The following YWHAZ variants were observed in gnomAD, a reference collection of about 807,000 sequenced individuals.
YWHAZ encodes the protein 14-3-3 protein zeta/delta.
For missense variants in YWHAZ, 79 were observed against 284.8 expected (o/e 0.28, Z 5.20); for synonymous variants, 87 against 103.6 (o/e 0.84, Z 0.97).
Position 100,917,743 on chromosome 8 carries a change from A to G in YWHAZ, c.*2950T>C, listed in dbSNP as rs908935726. On this transcript the variant is annotated 3_prime_UTR_variant, in exon 6 of 6. Coordinates refer to ENST00000395958, the MANE Select transcript of YWHAZ (RefSeq NM_145690.3). The stretch of plus-strand genomic sequence containing the variant: ...AAAAACAAACGAACAAAAAAATTCC[A>G]GTACTTTACACACAAAAAGTCATTG... 1 of 152,152 alleles carries G rather than the reference A, an allele frequency of 6.6e-6. No individual in the cohort carries two copies. The highest frequency in any genetic ancestry group is 6.5e-5 in the Admixed American group (1 of 15,272). The allele number at this position is 152,152 out of a possible 1,614,324, so 9.4% of individuals were successfully genotyped here. A position where few individuals can be genotyped will look rare whatever the true frequency, so the allele number is the denominator to read the frequency against.
At position 100,948,114 on chromosome 8, in the gene YWHAZ, T is replaced by G; in HGVS notation, c.294+482A>C. 6.5e-7 allele frequency: 1 copy of G among 1,535,094 alleles called. No individual in the cohort carries two copies. Among genetic ancestry groups the G allele is most frequent in the Non-Finnish European group, 8.7e-7 (1 of 1,146,750 alleles). On this transcript the variant is annotated intron_variant, in intron 2 of 5. Transcript: ENST00000395958. The surrounding 1 kb of genome is among the most constrained non-coding windows in gnomAD (Gnocchi z 4.2). ...AATGCAGGAAGAGGTTTCATAGTTG[T>G]GACGCCAGAGTTTTCTGCATGGTTG... is the stretch of plus-strand genomic sequence containing the variant.
rs544713098 is a variant in YWHAZ, at chr8:100,925,011, T to C, written c.323A>G (p.Asn108Ser). 4.3e-5 allele frequency: 69 copies of C among 1,613,870 alleles called. No homozygotes were observed. Among genetic ancestry groups the C allele is most frequent in the Admixed American group, 1.2e-4 (7 of 59,958 alleles). ...GACTTTGCTCTCTGCTTGTGAAGCA[T>C]TGGGGATCAAGAACTTTTCCAAAAG... is the stretch of plus-strand genomic sequence containing the variant. ...LSLLEKFLIPNASQAESKVFY... is the reference protein window; with the variant it reads ...LSLLEKFLIPSASQAESKVFY... Residue 108 changes from asparagine to serine, a missense_variant, in exon 3 of 6, where the codon AAT becomes AGT. By Grantham distance (46) the Asn-to-Ser change is conservative. Coordinates refer to ENST00000395958, the MANE Select transcript of YWHAZ (RefSeq NM_145690.3).
intron 5 of YWHAZ, 102 bp downstream of exon 5, chr8:100,923,853 A>G: frequency 1.1e-6 from 1 of 897,380 alleles, no homozygotes; most frequent in South Asian, 2.1e-5. Flanking sequence ...ATGTGTTGAG[A>G]AAAAATTTTA....
intron 1 of YWHAZ, 138 bp downstream of exon 1, chr8:100,951,767 AGAGGAGCCGCCGCCCGTGTCCGCT>A (rs1179864899): frequency 7.1e-6 from 7 of 984,994 alleles, no homozygotes; most frequent in Non-Finnish European, 7.2e-6. Context: ...GCCCAGCGGA[AGAGGAGCCGCCGCCCGTGTCCGCT>A]GAGGAGACTC....
intron 2 of YWHAZ, among the ~76,000 whole-genome samples, chr8:100,926,678 G>T (rs1013342572): frequency 6.6e-6 from 1 of 152,176 alleles, no homozygotes; most frequent in Non-Finnish European, 1.5e-5. Context: ...TTTTGGTTAG[G>T]ATAGCAACCT....
intron 1 of YWHAZ, among the ~76,000 whole-genome samples, chr8:100,950,138 A>T (rs776805669): frequency 3.3e-5 from 5 of 152,242 alleles, no homozygotes; most frequent in Non-Finnish European, 7.3e-5. Flanking sequence ...GATGCAAGGT[A>T]CTGGCTCAAT....
At chr8:100,947,150 A>T (rs1462012793) in intron 2 of YWHAZ, among the ~76,000 whole-genome samples, 1 of 150,492 alleles carries the variant, frequency 6.6e-6, no homozygotes, top group Non-Finnish European at 1.5e-5. Context: ...GCTATTCGGG[A>T]GGCTGAGGCA....
At chr8:100,928,403 G>A (rs1249175680) in intron 2 of YWHAZ, among the ~76,000 whole-genome samples, 1 of 151,816 alleles carries the variant, frequency 6.6e-6, no homozygotes. Context: ...AATTTAAAGG[G>A]GCTAACACTG....
chr8:100,928,774 T>C (rs539613069), intron 2 of YWHAZ, among the ~76,000 whole-genome samples: 2 of 150,072 alleles, frequency 1.3e-5, no homozygotes, highest in South Asian at 2.1e-4. Flanking sequence ...TCAGCCTCAA[T>C]GGGGTGATAT....
At chr8:100,940,693 G>A (rs1809776078) in intron 2 of YWHAZ, among the ~76,000 whole-genome samples, 1 of 152,230 alleles carries the variant, frequency 6.6e-6, no homozygotes, top group South Asian at 2.1e-4. Context: ...CACCACCACA[G>A]GGGTGTGTTA....
At chr8:100,950,473 C>T (rs1810634659) in intron 1 of YWHAZ, 2 of 985,402 alleles carry the variant, frequency 2.0e-6, no homozygotes, top group South Asian at 4.7e-5. Flanking sequence ...GCAAATTCTC[C>T]GGTCCGCGTA....
At chr8:100,920,783 G>C in intron 5 of YWHAZ, 31 bp from the exon 6 acceptor site, 1 of 431,870 alleles carries the variant, frequency 2.3e-6, no homozygotes, top group Non-Finnish European at 4.1e-6. Flanking sequence ...TTTTCAGCAA[G>C]TTTCAGTGGG....
rs764643200 is a variant in YWHAZ at position 100,920,764 on chromosome 8, A to G, written c.679-12T>C. ...TCCGATGTCCACAACTGGTAAAAGAAGGAAAGATTTTTCAGCAAGTTTCAG... is the reference window on the plus strand; with the variant it reads ...TCCGATGTCCACAACTGGTAAAAGAGGGAAAGATTTTTCAGCAAGTTTCAG... On this transcript the variant is annotated splice_polypyrimidine_tract_variant and intron_variant, in intron 5 of 5. Transcript: ENST00000395958. The G allele has an allele frequency of 5.9e-6, 6 of 1,011,194 alleles. No individual in the cohort carries two copies. In the South Asian group the frequency reaches 7.5e-5, roughly 13 times the overall value. The allele number at this position is 1,011,194 out of a possible 1,614,324, so 62.6% of individuals were successfully genotyped here.
At chr8:100,941,810 CAAA>C (rs58294305) in intron 2 of YWHAZ, among the ~76,000 whole-genome samples, 21 of 113,626 alleles carry the variant, frequency 1.8e-4, no homozygotes, top group African/African-American at 4.8e-4. Flanking sequence ...CAAAAAACGA[CAAA>C]AAAAAAAAAA....
upstream of YWHAZ, chr8:100,952,790 G>T: frequency 1.0e-6 from 1 of 996,626 alleles, no homozygotes; most frequent in Non-Finnish European, 1.2e-6. Flanking sequence ...CCCCTTCCCC[G>T]GCTGGGCCGA....
rs147453975 is a variant in YWHAZ at position 100,922,101 on chromosome 8, A to T, written c.679-1349T>A. Among the ~76,000 whole-genome samples the T allele has an allele frequency of 2.3e-3, 356 of 152,346 alleles. 3 individuals carry two copies. Among genetic ancestry groups the T allele is most frequent in the African/African-American group, 7.6e-3 (318 of 41,582 alleles). On this transcript the variant is annotated intron_variant, in intron 5 of 5. Coordinates refer to ENST00000395958, the MANE Select transcript of YWHAZ (RefSeq NM_145690.3). The surrounding 1 kb of genome is among the most constrained non-coding windows in gnomAD (Gnocchi z 4.1). ...GTCAAACAAGGGGTTTTGTAATTGC[A>T]AGATGAAATTGTTTCTAATGTCTCT...
At chr8:100,928,251 G>T (rs1813505690) in intron 2 of YWHAZ, among the ~76,000 whole-genome samples, 1 of 151,938 alleles carries the variant, frequency 6.6e-6, no homozygotes, top group African/African-American at 2.4e-5. Context: ...CTGCACTCCA[G>T]CCTGGGCAAC....
upstream of YWHAZ, chr8:100,952,592 C>G (rs995358756): frequency 5.0e-6 from 1 of 199,830 alleles, no homozygotes; most frequent in Non-Finnish European, 9.0e-6. Context: ...CCGGCCCGCC[C>G]CACCCTCCGT....
intron 1 of YWHAZ, chr8:100,951,316 C>A (rs1162216597): frequency 2.1e-5 from 21 of 984,348 alleles, no homozygotes; most frequent in Non-Finnish European, 2.0e-5. Context: ...CCCCGAGGCC[C>A]CCGGCCCCTC....
Sources: gnomAD v4.1 joint callset for allele counts (sites outside exome capture counted in the v4.1 genomes callset) on GRCh38, gnomAD v4.1.1 for gene constraint, Gnocchi (gnomAD v3.1) non-coding constraint, MANE v1.5 for transcripts, NCBI Gene and HGNC (gene_info 2026-07-23, HGNC 2026-07-21) for gene names.